Variants in CSMD3 observed in about 807,000 individuals in gnomAD.
CSMD3 encodes CUB and Sushi multiple domains 3.
In CSMD3, 177 loss-of-function variants were observed where a neutral mutation model predicts 435.2. The ratio of observed to expected loss-of-function variants is 0.41; its 90% confidence interval spans 0.36 to 0.46. The LOEUF is 0.46. Ranked by LOEUF, CSMD3 falls within the 20% of genes least tolerant of loss-of-function variation. The probability of loss-of-function intolerance (pLI) is 0.34; values close to 1 mark genes in which losing one functional copy is unlikely to be tolerated. For synonymous variants in CSMD3, 1,656 were observed against 1,520.5 expected (o/e 1.09, Z -2.07); for missense variants, 4,265 against 4,504.6 (o/e 0.95, Z 1.52).
At chr8:113,407,023 T>C (rs1363668827) in intron 1 of CSMD3, among the ~76,000 whole-genome samples, 1 of 152,096 alleles carries the variant, frequency 6.6e-6, no homozygotes, top group Non-Finnish European at 1.5e-5. Flanking sequence ...ACATGTTGTG[T>C]TTACCAAATT....
chr8:112,679,546 A>G (rs972057558), intron 16 of CSMD3, among the ~76,000 whole-genome samples: 2 of 152,222 alleles, frequency 1.3e-5, no homozygotes, highest in African/African-American at 4.8e-5. Flanking sequence ...GCCTTTGTCA[A>G]GTTAGAGTTC....
At chr8:112,428,294 T>G (rs1366436381) in intron 32 of CSMD3, among the ~76,000 whole-genome samples, 2 of 152,098 alleles carry the variant, frequency 1.3e-5, no homozygotes, top group Non-Finnish European at 2.9e-5. Context: ...TATACAAATG[T>G]AAGTACAAAA....
At position 112,963,836 on chromosome 8, in the gene CSMD3, T is replaced by C. The variant is rs140996988; in HGVS notation, c.1343-9075A>G. On this transcript the variant is annotated intron_variant, in intron 7 of 70. Transcript: ENST00000297405. Reference sequence around the variant, plus strand: ...GAATAGTGTTAAATCAAACTGTATATATTCGTATCCAATATTCCATATCAA... The same window carrying C: ...GAATAGTGTTAAATCAAACTGTATACATTCGTATCCAATATTCCATATCAA... 3.5e-3 allele frequency among the ~76,000 whole-genome samples: 533 copies of C among 152,056 alleles called. 1 individual carries two copies. The highest frequency in any genetic ancestry group is 5.7e-3 in the Non-Finnish European group (386 of 67,888).
In CSMD3 at chr8:113,084,478, C is replaced by A. The variant is rs534354908; in HGVS notation, c.917+14278G>T. Among the ~76,000 whole-genome samples, 8 of 151,882 alleles carry A rather than the reference C, an allele frequency of 5.3e-5. No homozygotes were observed. In the South Asian group the frequency reaches 1.7e-3, roughly 32 times the overall value. ...GACATAAACAAATGGAAAGGTATCC[C>A]ATGCTCATGGATTGGAAAAATTAAA... On this transcript the variant is annotated intron_variant, in intron 5 of 70. Coordinates refer to ENST00000297405, the MANE Select transcript of CSMD3 (RefSeq NM_198123.2).
chr8:113,233,171 A>C (rs1192291361), intron 3 of CSMD3, among the ~76,000 whole-genome samples: 1 of 151,718 alleles, frequency 6.6e-6, no homozygotes. Flanking sequence ...TTTGAATTGA[A>C]ATTATTTCCA....
intron 5 of CSMD3, among the ~76,000 whole-genome samples, chr8:113,026,031 G>C (rs751200826): frequency 6.6e-6 from 1 of 152,150 alleles, no homozygotes; most frequent in Non-Finnish European, 1.5e-5. Flanking sequence ...ATGTGCTATA[G>C]CACCCTGGGT....
At chr8:113,334,540 T>C (rs1351855193) in intron 1 of CSMD3, among the ~76,000 whole-genome samples, 5 of 152,150 alleles carry the variant, frequency 3.3e-5, no homozygotes, top group Non-Finnish European at 5.9e-5. Context: ...CTTTCTTTTA[T>C]GTACTGGATT....
intron 4 of CSMD3, among the ~76,000 whole-genome samples, chr8:113,109,740 T>A (rs113109184): frequency 0.012 from 1,821 of 152,236 alleles, 19 homozygotes; most frequent in Non-Finnish European, 0.015. Context: ...CTGGTCTGGA[T>A]TCTCTGGGGT....
At chr8:113,020,571 A>C (rs2086651765) in intron 5 of CSMD3, among the ~76,000 whole-genome samples, 1 of 152,230 alleles carries the variant, frequency 6.6e-6, no homozygotes, top group Non-Finnish European at 1.5e-5. Context: ...TTACATAGTT[A>C]GGAAGAGTTT....
chr8:112,953,896 T>C (rs2083915643), intron 8 of CSMD3, among the ~76,000 whole-genome samples: 1 of 151,562 alleles, frequency 6.6e-6, no homozygotes, highest in Non-Finnish European at 1.5e-5. Context: ...TAACTACTTA[T>C]ATATTAGCAA....
At chr8:112,395,637 C>T (rs1830793890) in intron 35 of CSMD3, among the ~76,000 whole-genome samples, 1 of 152,060 alleles carries the variant, frequency 6.6e-6, no homozygotes, top group Non-Finnish European at 1.5e-5. Flanking sequence ...GAGTAGGTGG[C>T]AGCTTCCAGG....
chr8:113,098,501 C>A, intron 5 of CSMD3: 1 of 459,586 alleles, frequency 2.2e-6, no homozygotes. Flanking sequence ...TTTGGACTGG[C>A]ATGCTAAAAA....
Position 112,897,316 on chromosome 8 carries a change from G to A in CSMD3, c.1633+24311C>T, listed in dbSNP as rs77034048. On this transcript the variant is annotated intron_variant, in intron 10 of 70. Transcript: ENST00000297405. ...TGTTTTATTCCCAGAACATACTCTA[G>A]TGCCAGACACAGAATGCACTCAATA... 2.9e-3 allele frequency among the ~76,000 whole-genome samples: 442 copies of A among 151,340 alleles called. 4 individuals carry two copies. The East Asian group carries it at 0.034, about 12-fold the overall frequency.
At position 112,404,425 on chromosome 8, in the gene CSMD3, G is replaced by A. The variant is rs147244596; in HGVS notation, c.5809+2099C>T. Among the ~76,000 whole-genome samples, 961 of 151,940 alleles carry A rather than the reference G, an allele frequency of 6.3e-3. 9 individuals are homozygous for A. The highest frequency in any genetic ancestry group is 0.022 in the African/African-American group (919 of 41,452). On this transcript the variant is annotated intron_variant, in intron 35 of 70. Transcript: ENST00000297405. ...GGTGCCTGTAATCCCAGATACTTGG[G>A]AGGCTGAGGCAGGAGAATCACTTGA...
chr8:112,244,642 A>G (rs2130117891), intron 64 of CSMD3, 69 bp from the exon 65 acceptor site: 1 of 1,205,642 alleles, frequency 8.3e-7, no homozygotes. Flanking sequence ...GACAGGAGTC[A>G]CAATATATTT....
At chr8:112,847,695 C>T (rs2080364707) in intron 11 of CSMD3, among the ~76,000 whole-genome samples, 1 of 152,074 alleles carries the variant, frequency 6.6e-6, no homozygotes. Flanking sequence ...GGCACAAGTA[C>T]CAAATCTCCA....
At chr8:112,761,059 T>C (rs2132147376) in intron 13 of CSMD3, among the ~76,000 whole-genome samples, 1 of 152,262 alleles carries the variant, frequency 6.6e-6, no homozygotes, top group African/African-American at 2.4e-5. Flanking sequence ...CTTATATCCC[T>C]TTTCAACAGA....
intron 4 of CSMD3, among the ~76,000 whole-genome samples, chr8:113,124,346 G>A (rs1197507754): frequency 6.6e-6 from 1 of 151,674 alleles, no homozygotes; most frequent in African/African-American, 2.4e-5. Context: ...AAGACACATA[G>A]GCACAACTAT....
At chr8:112,553,940 G>C (rs1827900624) in intron 25 of CSMD3, among the ~76,000 whole-genome samples, 1 of 151,850 alleles carries the variant, frequency 6.6e-6, no homozygotes, top group Non-Finnish European at 1.5e-5. Flanking sequence ...CTATTTTATA[G>C]GTATGGATAA....
Sources: gnomAD v4.1 joint callset for allele counts (sites outside exome capture counted in the v4.1 genomes callset) on GRCh38, gnomAD v4.1.1 for gene constraint, MANE v1.5 for transcripts, NCBI Gene and HGNC (gene_info 2026-07-23, HGNC 2026-07-21) for gene names.